DLG2: variants seen among roughly 807,000 people sequenced by gnomAD.
DLG2 encodes disks large homolog 2.
DLG2 carries 45 observed loss-of-function variants against 132.5 expected under a neutral mutation model. The ratio of observed to expected loss-of-function variants is 0.34; its 90% CI spans 0.27 to 0.44. The LOEUF is 0.44. Ranked by LOEUF, DLG2 falls within the 20% of genes least tolerant of loss-of-function variation. The pLI is 1.00. For missense variants in DLG2, 1,045 were observed against 1,196.9 expected (o/e 0.87, Z 1.87); for synonymous variants, 424 against 419.6 (o/e 1.01, Z -0.13).
intron 17 of DLG2, among the ~76,000 whole-genome samples, chr11:83,829,444 G>A (rs566930658): frequency 2.6e-5 from 4 of 152,190 alleles, no homozygotes; most frequent in East Asian, 1.9e-4. Context: ...TGATCTGCCC[G>A]CCTCAGCCTC....
intron 6 of DLG2, among the ~76,000 whole-genome samples, chr11:84,892,794 T>C (rs2154064936): frequency 6.6e-6 from 1 of 152,210 alleles, no homozygotes; most frequent in East Asian, 1.9e-4. Flanking sequence ...CTTTTCAAAA[T>C]TCCCACATGC....
At chr11:83,504,211 T>C (rs1247760801) in intron 21 of DLG2, among the ~76,000 whole-genome samples, 1 of 152,202 alleles carries the variant, frequency 6.6e-6, no homozygotes, top group African/African-American at 2.4e-5. Context: ...ATTGATGACT[T>C]CTTCTACTAC....
chr11:84,806,788 T>C (rs1235223317), intron 6 of DLG2, among the ~76,000 whole-genome samples: 1 of 152,198 alleles, frequency 6.6e-6, no homozygotes, highest in African/African-American at 2.4e-5. Context: ...GCAAATACAG[T>C]AGATTTTCCT....
At chr11:84,059,174 T>A in intron 11 of DLG2, 141 bp downstream of exon 11, 1 of 706,316 alleles carries the variant, frequency 1.4e-6, no homozygotes, top group Non-Finnish European at 2.3e-6. Flanking sequence ...TTACCCTTTG[T>A]AACCACTACT....
At chr11:85,429,510 C>T (rs1056856696) in intron 3 of DLG2, among the ~76,000 whole-genome samples, 39 of 152,142 alleles carry the variant, frequency 2.6e-4, no homozygotes, top group African/African-American at 7.7e-4. Context: ...AACAAATCTA[C>T]AAGAAAAAAA....
At chr11:84,086,491 C>CTT (rs66719037) in intron 10 of DLG2, among the ~76,000 whole-genome samples, 4 of 110,498 alleles carry the variant, frequency 3.6e-5, no homozygotes, top group Admixed American at 2.7e-4. Flanking sequence ...TTCTTTCTTT[C>CTT]TTTTTTTTTT....
intron 7 of DLG2, among the ~76,000 whole-genome samples, chr11:84,428,064 A>C (rs1213724745): frequency 2.6e-5 from 4 of 152,192 alleles, no homozygotes; most frequent in Non-Finnish European, 4.4e-5. Context: ...TTGGGTGAAT[A>C]GTTTGCATTC....
At chr11:84,549,815 G>T (rs557200132) in intron 6 of DLG2, among the ~76,000 whole-genome samples, 18 of 151,948 alleles carry the variant, frequency 1.2e-4, no homozygotes, top group African/African-American at 4.3e-4. Context: ...GTGCAGTGGC[G>T]CAATCTCAGC....
intron 7 of DLG2, among the ~76,000 whole-genome samples, chr11:84,265,816 C>T (rs10898222): frequency 0.59 from 89,304 of 151,658 alleles, 27,265 homozygotes; most frequent in East Asian, 0.75. Flanking sequence ...AGCATCTTCT[C>T]GCTAAATAAA....
chr11:84,729,519 A>T (rs1047631318), intron 6 of DLG2, among the ~76,000 whole-genome samples: 2 of 152,076 alleles, frequency 1.3e-5, no homozygotes, highest in Non-Finnish European at 2.9e-5. Context: ...ATTTTAGAAT[A>T]AGTGTAATGA....
At chr11:83,477,460 T>A (rs997654372) in intron 22 of DLG2, among the ~76,000 whole-genome samples, 2 of 152,082 alleles carry the variant, frequency 1.3e-5, no homozygotes, top group Admixed American at 6.6e-5. Context: ...ATCTGAACTA[T>A]TTATTAGAAA....
chr11:84,396,638 T>C (rs2098812062), intron 7 of DLG2, among the ~76,000 whole-genome samples: 1 of 152,220 alleles, frequency 6.6e-6, no homozygotes, highest in Admixed American at 6.5e-5. Context: ...AAAACTTCAC[T>C]AAGCTCTCCT....
chr11:85,393,726 T>C (rs1236312020), intron 3 of DLG2, among the ~76,000 whole-genome samples: 1 of 152,002 alleles, frequency 6.6e-6, no homozygotes, highest in Non-Finnish European at 1.5e-5. Flanking sequence ...TTCTATTATA[T>C]GTATATAATA....
intron 3 of DLG2, among the ~76,000 whole-genome samples, chr11:85,412,725 TCACA>T (rs542505541): frequency 1.1e-3 from 99 of 92,256 alleles, no homozygotes; most frequent in Middle Eastern, 6.0e-3. Flanking sequence ...GAGCAGTATT[TCACA>T]CACACACACA....
At chr11:83,510,538 G>C (rs1379635632) in intron 21 of DLG2, among the ~76,000 whole-genome samples, 3 of 152,208 alleles carry the variant, frequency 2.0e-5, no homozygotes, top group Non-Finnish European at 4.4e-5. Context: ...CTCCTAGCCT[G>C]TAGTCCCGTT....
At chr11:83,616,292 T>C (rs573968228) in intron 19 of DLG2, among the ~76,000 whole-genome samples, 1 of 152,322 alleles carries the variant, frequency 6.6e-6, no homozygotes, top group South Asian at 2.1e-4. Flanking sequence ...TGTTTGGCTC[T>C]GATAGATACT....
chr11:84,950,402 GA>G (rs1185935925), intron 6 of DLG2, among the ~76,000 whole-genome samples: 2 of 152,064 alleles, frequency 1.3e-5, no homozygotes, highest in Non-Finnish European at 2.9e-5. Flanking sequence ...TTTGAAAATA[GA>G]TATAACACAG....
intron 6 of DLG2, among the ~76,000 whole-genome samples, chr11:85,056,188 G>T (rs928383887): frequency 2.0e-5 from 3 of 151,954 alleles, no homozygotes; most frequent in Admixed American, 2.0e-4. Context: ...AACCATAATC[G>T]ACATGGTTCA....
intron 18 of DLG2, among the ~76,000 whole-genome samples, chr11:83,679,205 A>G (rs969019212): frequency 2.0e-5 from 3 of 152,212 alleles, no homozygotes; most frequent in Non-Finnish European, 2.9e-5. Context: ...CTCATTTGAT[A>G]ACGGAAAGCA....
Sources: gnomAD v4.1 joint callset for allele counts (sites outside exome capture counted in the v4.1 genomes callset) on GRCh38, gnomAD v4.1.1 for gene constraint, MANE v1.5 for transcripts, NCBI Gene and HGNC (gene_info 2026-07-23, HGNC 2026-07-21) for gene names.